NCAN: variants seen among roughly 807,000 people sequenced by gnomAD.
NCAN encodes neurocan, also known as neurocan core protein.
NCAN carries 47 observed loss-of-function variants against 121.8 expected under a neutral mutation model. The observed-to-expected ratio is 0.39, with a 90% CI of 0.31 to 0.49. NCAN has a LOEUF of 0.49. Ranked by LOEUF, NCAN falls within the 20% of genes least tolerant of loss-of-function variation. The pLI, the probability that NCAN is intolerant of heterozygous loss-of-function variation, is 0.92. For missense variants in NCAN, 1,517 were observed against 1,773.4 expected (o/e 0.86, Z 2.60); for synonymous variants, 633 against 702.0 (o/e 0.90, Z 1.55).
intron 3 of NCAN, 103 bp downstream of exon 3, chr19:19,219,419 G>GCC (rs761130701): frequency 1.9e-4 from 241 of 1,239,052 alleles, no homozygotes; most frequent in Non-Finnish European, 2.5e-4. Context: ...CTGAGACCTG[G>GCC]CCTGGTGTCT....
intron 10 of NCAN, among the ~76,000 whole-genome samples, chr19:19,235,857 C>T (rs1166362916): frequency 6.6e-6 from 1 of 152,070 alleles, no homozygotes; most frequent in Admixed American, 6.6e-5. Flanking sequence ...GTGATCCTCC[C>T]TCCTTAGCCT....
rs551512000 is a variant in NCAN, at chr19:19,251,796, G to A, written c.*1885G>A. 2.6e-5 allele frequency: 4 copies of A among 151,884 alleles called. No individual in the cohort carries two copies. The highest frequency in any genetic ancestry group is 9.7e-5 in the African/African-American group (4 of 41,386). The allele number at this position is 151,884 out of a possible 1,614,324, so 9.4% of individuals were successfully genotyped here. On this transcript the variant is annotated 3_prime_UTR_variant, in exon 15 of 15. Coordinates refer to ENST00000252575, the MANE Select transcript of NCAN (RefSeq NM_004386.3). ...TTATTCAGAAAACCCAGGGATACAG[G>A]TTTGTCTTCTTACTTTGATAACTCT...
Position 19,226,641 on chromosome 19 carries a change from T to C in NCAN, c.1228T>C (p.Ser410Pro). ...VTPDFQEPLV[S>P]SGEEETLILE... Reference sequence around the variant, plus strand: ...CCCTGACTTCCAGGAGCCTCTGGTGTCCAGTGGGGAAGAAGAAACCCTGAT... The same window carrying C: ...CCCTGACTTCCAGGAGCCTCTGGTGCCCAGTGGGGAAGAAGAAACCCTGAT... Residue 410 changes from serine to proline, a missense_variant, in exon 7 of 15, where the codon TCC (serine) becomes CCC (proline). By Grantham distance (74) the Ser-to-Pro change is moderately conservative. Coordinates refer to ENST00000252575, the MANE Select transcript of NCAN (RefSeq NM_004386.3). 3 of 1,613,812 alleles carry C rather than the reference T, an allele frequency of 1.9e-6. No individual in the cohort carries two copies. The highest frequency in any genetic ancestry group is 2.5e-6 in the Non-Finnish European group (3 of 1,179,926).
intron 8 of NCAN, among the ~76,000 whole-genome samples, chr19:19,229,347 C>T (rs1395676405): frequency 1.3e-5 from 2 of 152,144 alleles, no homozygotes; most frequent in African/African-American, 2.4e-5. Flanking sequence ...CAGGATTCCC[C>T]GAGTCTGAGG....
chr19:19,242,951 A>G (rs575074765), intron 12 of NCAN, among the ~76,000 whole-genome samples: 21 of 152,264 alleles, frequency 1.4e-4, no homozygotes, highest in African/African-American at 5.1e-4. Context: ...CCTGGGCAAC[A>G]TGGCGAAACC....
chr19:19,225,419 GA>G lies in NCAN; in HGVS notation c.1072+151del. ...CTGGGTGAGGGCCACGCCCCCGGGT[GA>G]AGGCCACACCCGTTACGACAAGTCT... is the stretch of plus-strand genomic sequence containing the variant. On this transcript the variant is annotated intron_variant, in intron 6 of 14. Transcript: ENST00000252575. This position sits in a 1 kb window ranked among gnomAD's most constrained non-coding sequence, Gnocchi z 4.0. 1 of 1,042,748 alleles carries G rather than the reference GA, an allele frequency of 9.6e-7. No homozygotes were observed. Among genetic ancestry groups the G allele is most frequent in the Non-Finnish European group, 1.3e-6 (1 of 763,912 alleles). The allele number at this position is 1,042,748 out of a possible 1,614,324, so 64.6% of individuals were successfully genotyped here. A position where few individuals can be genotyped will look rare whatever the true frequency, so the allele number is the denominator to read the frequency against.
At position 19,227,440 on chromosome 19, in the gene NCAN, T is replaced by A; in HGVS notation, c.1820T>A (p.Leu607Ter). 1 of 1,613,606 alleles carries A rather than the reference T, an allele frequency of 6.2e-7. No individual in the cohort carries two copies. Among genetic ancestry groups the A allele is most frequent in the Non-Finnish European group, 8.5e-7 (1 of 1,179,910 alleles). Residue 607 changes from leucine (L) to a stop codon, truncating the protein, a stop_gained, in exon 8 of 15, where the codon TTG (leucine) becomes TAG (stop). Transcript: ENST00000252575. LOFTEE classifies it high-confidence loss of function. The surrounding 1 kb of genome is among the most constrained non-coding windows in gnomAD (Gnocchi z 4.2). The stretch of plus-strand genomic sequence containing the variant: ...ACCCCAGACCTGTTTTGGTCCCCCT[T>A]GGAGGCCACTGTCTCAGCTCCCAGC... ...PATPDLFWSP[L>*]EATVSAPSPA...
intron 8 of NCAN, among the ~76,000 whole-genome samples, chr19:19,231,009 G>A (rs933773132): frequency 6.6e-6 from 1 of 151,744 alleles, no homozygotes; most frequent in Non-Finnish European, 1.5e-5. Flanking sequence ...GCCTCCCAAA[G>A]TGTTGGGATT....
intron 12 of NCAN, 121 bp from the exon 13 acceptor site, chr19:19,245,192 G>T: frequency 8.0e-7 from 1 of 1,244,964 alleles, no homozygotes; most frequent in East Asian, 2.5e-5. Flanking sequence ...TTGTAGAGAT[G>T]GGAACACTGA....
At chr19:19,220,231 TC>T (rs768710413) in intron 3 of NCAN, among the ~76,000 whole-genome samples, 4 of 151,916 alleles carry the variant, frequency 2.6e-5, no homozygotes, top group Non-Finnish European at 4.4e-5. Flanking sequence ...CACTGCATCC[TC>T]CGTCTAGGCA....
At chr19:19,230,470 C>T (rs1271275431) in intron 8 of NCAN, among the ~76,000 whole-genome samples, 2 of 139,090 alleles carry the variant, frequency 1.4e-5, no homozygotes, top group Non-Finnish European at 3.0e-5. Flanking sequence ...GTGGCAAGAT[C>T]GTGGCTCACT....
chr19:19,249,632 G>A (rs1006318870), intron 14 of NCAN, 134 bp from the exon 15 acceptor site: 1 of 1,369,678 alleles, frequency 7.3e-7, no homozygotes, highest in Admixed American at 2.3e-5. Flanking sequence ...CTCCCAAAGT[G>A]CTGGGATGAC....
chr19:19,228,781 G>T lies in NCAN; in HGVS notation c.3019+142G>T. The T allele has an allele frequency of 1.1e-5, 10 of 931,256 alleles. No individual in the cohort carries two copies. In the South Asian group the frequency reaches 1.5e-4, roughly 14 times the overall value. The allele number at this position is 931,256 out of a possible 1,614,324, so 57.7% of individuals were successfully genotyped here. A position where few individuals can be genotyped will look rare whatever the true frequency, so the allele number is the denominator to read the frequency against. ...TAGTGGGGCATGACGCTGGAGGTAG[G>T]AGCTTATCAGGTGGAGTTGAATTTC... is the stretch of plus-strand genomic sequence containing the variant. On this transcript the variant is annotated intron_variant, in intron 8 of 14. Coordinates refer to ENST00000252575, the MANE Select transcript of NCAN (RefSeq NM_004386.3).
rs186965468 is a variant in NCAN, at chr19:19,215,888, C to T, written c.-7-1059C>T. On this transcript the variant is annotated intron_variant, in intron 1 of 14. Coordinates refer to ENST00000252575, the MANE Select transcript of NCAN (RefSeq NM_004386.3). ...ATTTCAGTCTTGGCTGTGTTAAGGT[C>T]GGTAATAATAATAGCAGCAGCTAAA... Among the ~76,000 whole-genome samples the T allele has an allele frequency of 4.2e-3, 637 of 152,182 alleles. 4 individuals carry two copies. The highest frequency in any genetic ancestry group is 3.8e-3 in the Non-Finnish European group (259 of 68,008).
At chr19:19,226,449 C>G in intron 6 of NCAN, 37 bp from the exon 7 acceptor site, 1 of 1,501,596 alleles carries the variant, frequency 6.7e-7, no homozygotes, top group Non-Finnish European at 9.0e-7. Flanking sequence ...CAGGCAACCC[C>G]TGGGCCTAAC....
Position 19,219,120 on chromosome 19 carries a change from C to A in NCAN, c.279C>A (p.Ile93=). 1.9e-6 allele frequency: 3 copies of A among 1,613,418 alleles called. No individual in the cohort carries two copies. The highest frequency in any genetic ancestry group is 2.5e-6 in the Non-Finnish European group (3 of 1,179,610). Residue 93 remains isoleucine (I), a synonymous_variant, in exon 3 of 15, where the codon ATC becomes ATA. Transcript: ENST00000252575. ...CGGGCCAGCGACAGGACTTGCCCAT[C>A]CTGGTGGCCAAGGACAATGTCGTGA... ...TASGQRQDLP[I]LVAKDNVVRV...
At chr19:19,240,807 G>A (rs1242437791) in intron 12 of NCAN, 122 bp downstream of exon 12, 5 of 948,062 alleles carry the variant, frequency 5.3e-6, no homozygotes, top group Admixed American at 4.1e-5. Flanking sequence ...GTGGCTCCAA[G>A]ATGCTGGAGT....
Position 19,228,491 on chromosome 19 carries a change from C to T in NCAN, c.2871C>T (p.Ser957=), listed in dbSNP as rs758257572. The change falls in exon 8 of 15, where the codon AGC becomes AGT. Residue 957 remains serine, a synonymous_variant. Transcript: ENST00000252575. ...CTACGGTACCGTGGGACCCCTCCAG[C>T]ACCCTGCTGCCTGTCACCCTGGGCA... ...GEPTVPWDPS[S]TLLPVTLGIE... The T allele has an allele frequency of 1.2e-6, 2 of 1,613,556 alleles. No individual in the cohort carries two copies.
At chr19:19,236,157 C>T (rs1248368510) in intron 10 of NCAN, among the ~76,000 whole-genome samples, 1 of 152,178 alleles carries the variant, frequency 6.6e-6, no homozygotes, top group Non-Finnish European at 1.5e-5. Context: ...AAACTCTGTG[C>T]CCACTAGGTG....
Sources: allele counts gnomAD v4.1 joint callset (sites outside exome capture counted in the v4.1 genomes callset), GRCh38; gene constraint gnomAD v4.1.1; non-coding constraint Gnocchi (gnomAD v3.1); transcripts MANE v1.5; gene names NCBI Gene and HGNC (gene_info 2026-07-23, HGNC 2026-07-21).